C10orf105: variants seen among roughly 807,000 people sequenced by gnomAD.
The protein encoded by C10orf105 is chromosome 10 open reading frame 105, also known as uncharacterized protein C10orf105.
A neutral mutation model predicts 0.6 loss-of-function variants in C10orf105; 2 were observed. That is an observed-to-expected ratio of 3.18 (90% confidence interval 1.30 to 10.01). The LOEUF is 10.01. Ranked by LOEUF, C10orf105 falls within the 30% of genes most tolerant of loss-of-function variation. C10orf105 has a pLI of 0.04. For missense variants in C10orf105, 209 were observed against 191.4 expected (o/e 1.09, Z -0.54); for synonymous variants, 95 against 82.4 (o/e 1.15, Z -0.83).
intron 1 of C10orf105, among the ~76,000 whole-genome samples, chr10:71,728,190 C>G (rs78865428): frequency 1.3e-4 from 20 of 151,970 alleles, no homozygotes; most frequent in South Asian, 6.3e-4. Context: ...CATGCAAACT[C>G]CCCCCCGCAC....
At chr10:71,735,191 C>G (rs1038182842) in intron 1 of C10orf105, among the ~76,000 whole-genome samples, 9 of 152,196 alleles carry the variant, frequency 5.9e-5, no homozygotes, top group Non-Finnish European at 1.0e-4. Context: ...CCCTCCCTCT[C>G]CTGGGGGTTG....
chr10:71,730,678 C>G (rs947736509), intron 1 of C10orf105: 2 of 1,580,704 alleles, frequency 1.3e-6, no homozygotes, highest in Non-Finnish European at 1.7e-6. Flanking sequence ...GCCCCTCCTT[C>G]GAAACGGTCA....
In C10orf105 at chr10:71,712,773, G is replaced by A; in HGVS notation, c.*3163C>T. 1 of 1,613,160 alleles carries A rather than the reference G, an allele frequency of 6.2e-7. No homozygotes were observed. Among genetic ancestry groups the A allele is most frequent in the East Asian group, 2.2e-5 (1 of 44,862 alleles). ...TTTCTGCAGAGCAGCTATGAGGCCA[G>A]CGTCCCTGAGGACATCCCTGAAGGC... On this transcript the variant is annotated 3_prime_UTR_variant, in exon 2 of 2. Coordinates refer to ENST00000441508, the MANE Select transcript of C10orf105 (RefSeq NM_001164375.3).
intron 1 of C10orf105, chr10:71,717,414 C>T (rs1278482158): frequency 6.6e-6 from 1 of 152,268 alleles, no homozygotes; most frequent in South Asian, 2.1e-4. Flanking sequence ...GGGAAATAAA[C>T]CCACAAGGAG....
At chr10:71,721,405 C>G (rs1866548783), upstream of C10orf105, among the ~76,000 whole-genome samples, 3 of 152,182 alleles carry the variant, frequency 2.0e-5, no homozygotes, top group Admixed American at 6.5e-5. Flanking sequence ...CATCCCCATG[C>G]TAGGCACCAG....
upstream of C10orf105, among the ~76,000 whole-genome samples, chr10:71,723,789 C>G (rs1866677521): frequency 6.6e-6 from 1 of 152,164 alleles, no homozygotes. Context: ...CCCAGCCTCC[C>G]TGCGAACCTG....
At chr10:71,730,132 C>T (rs189914446) in intron 1 of C10orf105, among the ~76,000 whole-genome samples, 3 of 152,268 alleles carry the variant, frequency 2.0e-5, no homozygotes, top group Admixed American at 2.0e-4. Context: ...CCACCGCGCC[C>T]GGCCGAATTA....
At chr10:71,732,864 T>C (rs7082137) in intron 1 of C10orf105, 127,710 of 245,282 alleles carry the variant, frequency 0.52, 36,162 homozygotes, top group Non-Finnish European at 0.6. Flanking sequence ...CTGGGAATCC[T>C]ATAGTTTGAT....
rs149074781 is a variant in C10orf105, at chr10:71,712,503, G to GT, written c.*3432dup. On this transcript the variant is annotated 3_prime_UTR_variant, in exon 2 of 2. Coordinates refer to ENST00000441508, the MANE Select transcript of C10orf105 (RefSeq NM_001164375.3). ...TATCTAAGTATTTGATACTGTTAGTGTTATTCCTAAGCTAAAAAGGAAGTC... is the reference window on the plus strand; with the variant it reads ...TATCTAAGTATTTGATACTGTTAGTGTTTATTCCTAAGCTAAAAAGGAAGTC... 2.6e-3 allele frequency: 1,762 copies of GT among 670,438 alleles called. 19 individuals are homozygous for GT. Among genetic ancestry groups the GT allele is most frequent in the African/African-American group, 0.02 (1,123 of 55,478 alleles). The allele number at this position is 670,438 out of a possible 1,614,324, so 41.5% of individuals were successfully genotyped here.
rs894816879 is a variant in C10orf105 at position 71,712,338 on chromosome 10, G to GT, written c.*3597dup. 8.9e-4 allele frequency: 231 copies of GT among 258,506 alleles called. 1 individual carries two copies. The highest frequency in any genetic ancestry group is 3.0e-3 in the East Asian group (41 of 13,548). 16.0% of individuals were successfully genotyped at this position (258,506 alleles called of 1,614,324 possible). A position where few individuals can be genotyped will look rare whatever the true frequency, so the allele number is the denominator to read the frequency against. On this transcript the variant is annotated 3_prime_UTR_variant, in exon 2 of 2. Transcript: ENST00000441508. ...GTTCCCAGGGGTTTAACATGGGTCT[G>GT]TTTTTTTTGGGAGCCATCATTCAAT...
chr10:71,728,053 G>T (rs985080186), intron 1 of C10orf105, among the ~76,000 whole-genome samples: 4 of 152,254 alleles, frequency 2.6e-5, no homozygotes, highest in Non-Finnish European at 5.9e-5. Context: ...GCCTGGCCCT[G>T]TTTTTTCCCC....
Position 71,735,884 on chromosome 10 carries a change from G to A in C10orf105, c.-6+1844C>T, listed in dbSNP as rs75723102. The stretch of plus-strand genomic sequence containing the variant: ...CCCAAGGGCAGCCGGTGAGCAGAGC[G>A]CTCGGGCAGTGGGTGCCGAGCCACC... On this transcript the variant is annotated intron_variant, in intron 1 of 1. Coordinates refer to the C10orf105 transcript ENST00000398786. 3.6e-3 allele frequency among the ~76,000 whole-genome samples: 546 copies of A among 152,302 alleles called. 4 individuals are homozygous for A. Among genetic ancestry groups the A allele is most frequent in the East Asian group, 0.034 (175 of 5,182 alleles).
At position 71,730,447 on chromosome 10, in the gene C10orf105, AC is replaced by A. The variant is rs1251723977; in HGVS notation, c.-6+7280del. 1.9e-6 allele frequency: 3 copies of A among 1,611,668 alleles called. No homozygotes were observed. The South Asian group carries it at 3.3e-5, about 18-fold the overall frequency. ...AGCCTCCACCCCACCCTGACCTTGC[AC>A]CCCTGGCCCGGCTCCCACAGGTGAT... On this transcript the variant is annotated intron_variant, in intron 1 of 1. Coordinates refer to the C10orf105 transcript ENST00000398786.
chr10:71,733,598 G>A (rs1389947897), intron 1 of C10orf105, among the ~76,000 whole-genome samples: 2 of 152,116 alleles, frequency 1.3e-5, no homozygotes, highest in Non-Finnish European at 2.9e-5. Flanking sequence ...GAGACCAAAT[G>A]CATATTTCTT....
chr10:71,715,697 T>A lies in C10orf105; in HGVS notation c.*239A>T. The A allele has an allele frequency of 5.1e-6, 2 of 394,582 alleles. No individual in the cohort carries two copies. The highest frequency in any genetic ancestry group is 8.0e-5 in the East Asian group (2 of 24,870). The allele number at this position is 394,582 out of a possible 1,614,324, so 24.4% of individuals were successfully genotyped here. A position where few individuals can be genotyped will look rare whatever the true frequency, so the allele number is the denominator to read the frequency against. Reference sequence around the variant, plus strand: ...CCAGATGACCACGAGTGCACATCTCTTGACCAGAAGTCTTTCATCAAGCAG... The same window carrying A: ...CCAGATGACCACGAGTGCACATCTCATGACCAGAAGTCTTTCATCAAGCAG... On this transcript the variant is annotated 3_prime_UTR_variant, in exon 2 of 2. Coordinates refer to ENST00000441508, the MANE Select transcript of C10orf105 (RefSeq NM_001164375.3).
intron 1 of C10orf105, chr10:71,732,753 GT>G: frequency 9.1e-7 from 1 of 1,100,002 alleles, no homozygotes; most frequent in Non-Finnish European, 1.1e-6. Flanking sequence ...TTTTCCTTCT[GT>G]TTTCACACCC....
At chr10:71,736,010 C>T (rs1353719807) in intron 1 of C10orf105, among the ~76,000 whole-genome samples, 3 of 152,272 alleles carry the variant, frequency 2.0e-5, no homozygotes, top group Non-Finnish European at 2.9e-5. Flanking sequence ...GCCCACCTGG[C>T]CCTCACACAG....
Position 71,711,822 on chromosome 10 carries a change from G to C in C10orf105, c.*4114C>G, listed in dbSNP as rs1227552927. On this transcript the variant is annotated 3_prime_UTR_variant, in exon 2 of 2. Coordinates refer to ENST00000441508, the MANE Select transcript of C10orf105 (RefSeq NM_001164375.3). ...CCTGTCCGCTGTGGACTGGAGTGGA[G>C]GACAGCTGCCCTTCCAGCGGGGCCC... 1 of 152,106 alleles carries C rather than the reference G, an allele frequency of 6.6e-6. No individual in the cohort carries two copies. Among genetic ancestry groups the C allele is most frequent in the African/African-American group, 2.4e-5 (1 of 41,422 alleles). 9.4% of individuals were successfully genotyped at this position (152,106 alleles called of 1,614,324 possible).
chr10:71,729,520 G>T (rs750491224), intron 1 of C10orf105, among the ~76,000 whole-genome samples: 3 of 152,154 alleles, frequency 2.0e-5, no homozygotes, highest in Non-Finnish European at 4.4e-5. Flanking sequence ...CCTAGGGGAC[G>T]GAAGTTCCCA....
Sources: gnomAD v4.1 joint callset for allele counts (sites outside exome capture counted in the v4.1 genomes callset) on GRCh38, gnomAD v4.1.1 for gene constraint, MANE v1.5 for transcripts, NCBI Gene and HGNC (gene_info 2026-07-23, HGNC 2026-07-21) for gene names.